ACER2: variants seen among roughly 807,000 people sequenced by gnomAD.
ACER2 encodes the protein alkaline ceramidase 2.
A neutral mutation model predicts 34.7 loss-of-function variants in ACER2; 26 were observed. The ratio of observed to expected loss-of-function variants is 0.75; its 90% CI spans 0.55 to 1.04. The LOEUF (loss-of-function observed/expected upper bound fraction) is 1.04. ACER2 is among the 50% of genes least tolerant of loss of function. ACER2 has a pLI of 0.00. For missense variants in ACER2, 352 were observed against 340.8 expected (o/e 1.03, Z -0.26); for synonymous variants, 138 against 132.1 (o/e 1.04, Z -0.31).
chr9:19,450,346 A>T (rs1386477828), intron 5 of ACER2, 104 bp from the exon 6 acceptor site: 1 of 1,387,818 alleles, frequency 7.2e-7, no homozygotes, highest in Non-Finnish European at 9.4e-7. Context: ...CTGCAACTAC[A>T]GTCAGCAAGG....
chr9:19,409,673 C>A (rs867938683), intron 1 of ACER2: 5 of 921,114 alleles, frequency 5.4e-6, no homozygotes, highest in Admixed American at 1.2e-4. Flanking sequence ...TCACTCCCAC[C>A]AGGCAGACTT....
intron 4 of ACER2, among the ~76,000 whole-genome samples, chr9:19,439,362 A>G (rs1831071617): frequency 9.5e-6 from 1 of 104,760 alleles, no homozygotes; most frequent in Admixed American, 9.2e-5. Flanking sequence ...TTTTTTGGAG[A>G]CGTAGTCTCG....
intron 3 of ACER2, among the ~76,000 whole-genome samples, chr9:19,428,854 A>C (rs1830665434): frequency 8.2e-6 from 1 of 121,934 alleles, no homozygotes; most frequent in African/African-American, 3.3e-5. Flanking sequence ...CGGTGGTGCG[A>C]TCTTGGCTGA....
chr9:19,437,746 C>T (rs927979221), intron 4 of ACER2, among the ~76,000 whole-genome samples: 1 of 152,090 alleles, frequency 6.6e-6, no homozygotes, highest in Non-Finnish European at 1.5e-5. Context: ...TTCCAAAATC[C>T]TACCCCTTCT....
chr9:19,421,501 A>AT (rs1371825411), intron 1 of ACER2, among the ~76,000 whole-genome samples: 8 of 152,248 alleles, frequency 5.3e-5, no homozygotes, highest in African/African-American at 1.9e-4. Context: ...AAAAGGACAT[A>AT]TATTGTATGA....
At chr9:19,413,658 T>C (rs1830156278) in intron 1 of ACER2, among the ~76,000 whole-genome samples, 1 of 151,384 alleles carries the variant, frequency 6.6e-6, no homozygotes, top group African/African-American at 2.4e-5. Flanking sequence ...ACCTAGCCAC[T>C]TTGGAGAAAA....
intron 3 of ACER2, among the ~76,000 whole-genome samples, chr9:19,432,867 T>C (rs1410724997): frequency 6.6e-6 from 1 of 151,278 alleles, no homozygotes; most frequent in Non-Finnish European, 1.5e-5. Context: ...GTGCTAGGAT[T>C]ACAGGTGTGA....
In ACER2 at chr9:19,423,889, C is replaced by G. The variant is rs780031525; in HGVS notation, c.136C>G (p.Pro46Ala). ...CAGCAATGTCTTATTTTTCATTTTA[C>G]CGCCCATCTGCATGTGCTTGTTTCG... ...TISNVLFFILPPICMCLFRQY... is the reference protein window; with the variant it reads ...TISNVLFFILAPICMCLFRQY... Residue 46 changes from proline (P) to alanine (A), a missense_variant, in exon 2 of 6, where the codon CCG becomes GCG. Transcript: ENST00000340967. The G allele has an allele frequency of 1.5e-5, 24 of 1,613,960 alleles. 1 individual carries two copies. The South Asian group carries it at 2.6e-4, about 18-fold the overall frequency.
At chr9:19,411,747 T>G (rs1297467101) in intron 1 of ACER2, among the ~76,000 whole-genome samples, 1 of 152,170 alleles carries the variant, frequency 6.6e-6, no homozygotes, top group African/African-American at 2.4e-5. Context: ...TTGGAGGAAT[T>G]GACAATGTTA....
Position 19,450,660 on chromosome 9 carries a change from C to G in ACER2, c.*24C>G. On this transcript the variant is annotated 3_prime_UTR_variant, in exon 6 of 6. Coordinates refer to ENST00000340967, the MANE Select transcript of ACER2 (RefSeq NM_001010887.3). ...GATGGCAAGATGGTGGCTGGCTTCT[C>G]TGCTTATCGCCCCTCATGCAGTGGG... 6.5e-7 allele frequency: 1 copy of G among 1,529,140 alleles called. No individual in the cohort carries two copies. The allele number at this position is 1,529,140 out of a possible 1,614,324, so 94.7% of individuals were successfully genotyped here. A position where few individuals can be genotyped will look rare whatever the true frequency, so the allele number is the denominator to read the frequency against.
In ACER2 at chr9:19,444,600, G is replaced by C. The variant is rs376250524; in HGVS notation, c.504-1681G>C. Among the ~76,000 whole-genome samples the C allele has an allele frequency of 9.6e-4, 146 of 152,298 alleles. 3 individuals are homozygous for C. The South Asian group carries it at 0.026, about 27-fold the overall frequency. On this transcript the variant is annotated intron_variant, in intron 4 of 5. Transcript: ENST00000340967. ...GGTCGGCATGCAGCCTGTGGGCCAC[G>C]GTTGTGGACGAGCTTGCACTGAGGG...
At chr9:19,435,274 G>A (rs1455967433) in intron 4 of ACER2, among the ~76,000 whole-genome samples, 190 bp downstream of exon 4, 3 of 152,172 alleles carry the variant, frequency 2.0e-5, no homozygotes, top group Admixed American at 1.3e-4. Context: ...AGTAGGAGGG[G>A]AGCAGCTGTT....
At chr9:19,418,039 A>C (rs1396054045) in intron 1 of ACER2, among the ~76,000 whole-genome samples, 1 of 152,254 alleles carries the variant, frequency 6.6e-6, no homozygotes, top group Non-Finnish European at 1.5e-5. Flanking sequence ...TGGGCAAAGG[A>C]TATGAACAGA....
chr9:19,424,453 A>G, intron 2 of ACER2: 1 of 985,406 alleles, frequency 1.0e-6, no homozygotes, highest in Non-Finnish European at 1.2e-6. Context: ...TGAAGACAGA[A>G]TGCGTTTAAC....
chr9:19,433,721 G>A lies in ACER2; in HGVS notation c.366-1226G>A, dbSNP rs1252861569. Among the ~76,000 whole-genome samples the A allele has an allele frequency of 5.9e-5, 9 of 152,154 alleles. No individual in the cohort carries two copies. In the East Asian group the frequency reaches 1.4e-3, roughly 23 times the overall value. On this transcript the variant is annotated intron_variant, in intron 3 of 5. Transcript: ENST00000340967. ...GGGCAGAGGGGCTCCTCACTTCCCA[G>A]TAGGGGCGGCCGGGCAGAGGCACCC...
intron 4 of ACER2, 23 bp downstream of exon 4, chr9:19,435,107 A>C (rs1417126374): frequency 9.9e-6 from 16 of 1,612,828 alleles, no homozygotes; most frequent in Non-Finnish European, 1.4e-5. Context: ...ATTCCTGCCT[A>C]CCCTTAGCTG....
At chr9:19,415,682 T>C (rs1219098900) in intron 1 of ACER2, among the ~76,000 whole-genome samples, 2 of 152,128 alleles carry the variant, frequency 1.3e-5, no homozygotes, top group African/African-American at 4.8e-5. Flanking sequence ...AAGAAAGCCA[T>C]TGCGGGACAG....
At chr9:19,446,562 G>A (rs1464049867) in intron 5 of ACER2, 144 bp downstream of exon 5, 23 of 1,501,674 alleles carry the variant, frequency 1.5e-5, no homozygotes, top group Non-Finnish European at 8.8e-7. Flanking sequence ...AGATGGTTCA[G>A]AAGCCACTGA....
At chr9:19,414,686 C>T (rs977184559) in intron 1 of ACER2, among the ~76,000 whole-genome samples, 3 of 151,994 alleles carry the variant, frequency 2.0e-5, no homozygotes, top group Admixed American at 6.6e-5. Flanking sequence ...GCCTGTGGTC[C>T]CAGTTACTCA....
Sources: gnomAD v4.1 joint callset for allele counts (sites outside exome capture counted in the v4.1 genomes callset) on GRCh38, gnomAD v4.1.1 for gene constraint, MANE v1.5 for transcripts, NCBI Gene and HGNC (gene_info 2026-07-23, HGNC 2026-07-21) for gene names.